Variants in HMMR observed in about 807,000 individuals in gnomAD.
HMMR encodes intracellular hyaluronic acid-binding protein.
HMMR carries 108 observed loss-of-function variants against 101.0 expected under a neutral mutation model. That is an observed-to-expected ratio of 1.07 (90% CI 0.92 to 1.25). The LOEUF is 1.25. Ranked by LOEUF, HMMR falls within the 50% of genes most tolerant of loss-of-function variation. The pLI is 0.00. For synonymous variants in HMMR, 296 were observed against 276.4 expected (o/e 1.07, Z -0.70); for missense variants, 813 against 788.7 (o/e 1.03, Z -0.37).
At chr5:163,479,411 C>T (rs932751046) in intron 12 of HMMR, among the ~76,000 whole-genome samples, 35 of 152,230 alleles carry the variant, frequency 2.3e-4, no homozygotes, top group African/African-American at 7.9e-4. Flanking sequence ...TGGCTCATAC[C>T]AGTAATCCCA....
At chr5:163,476,931 T>C (rs1196701757) in intron 11 of HMMR, among the ~76,000 whole-genome samples, 4 of 152,136 alleles carry the variant, frequency 2.6e-5, no homozygotes, top group Non-Finnish European at 1.5e-5. Flanking sequence ...TTCAGGAGGC[T>C]GAGGCAGGAG....
At chr5:163,490,609 C>T in intron 17 of HMMR, 57 bp downstream of exon 17, 1 of 1,310,802 alleles carries the variant, frequency 7.6e-7, no homozygotes, top group Non-Finnish European at 1.1e-6. Flanking sequence ...GCTTTTATAG[C>T]ATTTAGCAAG....
chr5:163,464,039 A>AT, intron 2 of HMMR, 85 bp downstream of exon 2: 2 of 460,886 alleles, frequency 4.3e-6, no homozygotes, highest in Non-Finnish European at 7.7e-6. Context: ...ATGTTATAGC[A>AT]TTTTTTAAAA....
chr5:163,469,994 CCT>C lies in HMMR; in HGVS notation c.462+166_462+167del, dbSNP rs1645145689. 1.1e-5 allele frequency: 5 copies of C among 475,198 alleles called. No individual in the cohort carries two copies. In the Admixed American group the frequency reaches 2.0e-4, roughly 19 times the overall value. 29.4% of individuals were successfully genotyped at this position (475,198 alleles called of 1,614,324 possible). On this transcript the variant is annotated intron_variant, in intron 5 of 17. Transcript: ENST00000393915. ...ACCAGCCTGACCAACATGGAGAAAC[CCT>C]GTCTCTACTAAAAATACAAAAATTA...
chr5:163,486,686 A>T (rs1159294269), intron 16 of HMMR, among the ~76,000 whole-genome samples: 1 of 152,252 alleles, frequency 6.6e-6, no homozygotes, highest in Non-Finnish European at 1.5e-5. Context: ...AAATGGATGG[A>T]CAGCCTTGCT....
chr5:163,461,802 T>C (rs997007920), intron 1 of HMMR, among the ~76,000 whole-genome samples: 3 of 151,402 alleles, frequency 2.0e-5, no homozygotes, highest in African/African-American at 7.3e-5. Context: ...AAAAAAATGC[T>C]GTATGCTGGG....
At chr5:163,463,699 C>A (rs992731467) in intron 1 of HMMR, among the ~76,000 whole-genome samples, 157 bp from the exon 2 acceptor site, 1 of 152,024 alleles carries the variant, frequency 6.6e-6, no homozygotes, top group Non-Finnish European at 1.5e-5. Context: ...CATAGAGAGG[C>A]CTTCTTTGTA....
rs748033755 is a variant in HMMR at position 163,483,067 on chromosome 5, T to C, written c.1580T>C (p.Ile527Thr). ...AAGTCAGCACTAAAGGAAACAGAAA[T>C]TAAAGAAATCACAGTTTCTTTTCTT... ...QTKSALKETE[I>T]KEITVSFLQK... Residue 527 changes from isoleucine (I) to threonine (T), a missense_variant, in exon 14 of 18, where the codon ATT (isoleucine) becomes ACT (threonine). Physicochemically the swap from Ile to Thr is moderately conservative, Grantham distance 89 (BLOSUM62 -1). Transcript: ENST00000393915. 2 of 1,612,412 alleles carry C rather than the reference T, an allele frequency of 1.2e-6. No homozygotes were observed. Among genetic ancestry groups the C allele is most frequent in the Admixed American group, 3.3e-5 (2 of 59,778 alleles).
At chr5:163,460,789 G>T in intron 1 of HMMR, 51 bp downstream of exon 1, 1 of 1,522,132 alleles carries the variant, frequency 6.6e-7, no homozygotes, top group Middle Eastern at 1.9e-4. Context: ...AACGCCCTTT[G>T]CCTCTTTCAG....
rs148720461 is a variant in HMMR at position 163,491,067 on chromosome 5, G to A, written c.2126-45G>A. On this transcript the variant is annotated intron_variant, in intron 17 of 17. Coordinates refer to ENST00000393915, the MANE Select transcript of HMMR (RefSeq NM_001142556.2). ...TTAGTTTATAATGATGGATAAATTCGTTTTAATCTAGATTACTAATCCTTC... is the reference window on the plus strand; with the variant it reads ...TTAGTTTATAATGATGGATAAATTCATTTTAATCTAGATTACTAATCCTTC... 3.6e-3 allele frequency: 4,179 copies of A among 1,155,214 alleles called. 12 individuals carry two copies. The highest frequency in any genetic ancestry group is 4.6e-3 in the Non-Finnish European group (3,707 of 807,742). 71.6% of individuals were successfully genotyped at this position (1,155,214 alleles called of 1,614,324 possible). A position where few individuals can be genotyped will look rare whatever the true frequency, so the allele number is the denominator to read the frequency against.
chr5:163,481,526 A>T (rs1759264093), intron 12 of HMMR, among the ~76,000 whole-genome samples: 1 of 152,128 alleles, frequency 6.6e-6, no homozygotes, highest in Admixed American at 6.5e-5. Context: ...AGTAGATATC[A>T]CACTGTCTTT....
rs1486094124 is a variant in HMMR, at chr5:163,482,649, G to A, written c.1393G>A (p.Ala465Thr). The A allele has an allele frequency of 6.2e-7, 1 of 1,609,634 alleles. No individual in the cohort carries two copies. The highest frequency in any genetic ancestry group is 8.5e-7 in the Non-Finnish European group (1 of 1,176,422). Residue 465 changes from alanine (A) to threonine (T), a missense_variant, in exon 13 of 18, where the codon GCG becomes ACG. Transcript: ENST00000393915. ...TTTTTTCTTTTTAATAAGCTATAAAGCGTTAACAGCCAGTGAGATAGAAGA... is the reference window on the plus strand; with the variant it reads ...TTTTTTCTTTTTAATAAGCTATAAAACGTTAACAGCCAGTGAGATAGAAGA... ...DVTAQFESYK[A>T]LTASEIEDLK...
chr5:163,473,072 C>G, intron 7 of HMMR, 107 bp from the exon 8 acceptor site: 3 of 612,902 alleles, frequency 4.9e-6, no homozygotes, highest in Non-Finnish European at 8.9e-6. Context: ...AGAGTTAGGG[C>G]TCTGTAGTCA....
At chr5:163,486,952 G>A (rs948509492) in intron 16 of HMMR, among the ~76,000 whole-genome samples, 3 of 152,148 alleles carry the variant, frequency 2.0e-5, no homozygotes, top group South Asian at 2.1e-4. Flanking sequence ...GGCGGCGGGC[G>A]CCTGTAATCC....
chr5:163,484,270 A>G (rs1466771558), intron 16 of HMMR, 25 bp downstream of exon 16: 2 of 1,304,000 alleles, frequency 1.5e-6, no homozygotes, highest in African/African-American at 3.0e-5. Flanking sequence ...TTTTCATTTT[A>G]TTAAAGATAT....
chr5:163,478,898 A>G, intron 12 of HMMR, 98 bp downstream of exon 12: 1 of 675,686 alleles, frequency 1.5e-6, no homozygotes, highest in Non-Finnish European at 2.7e-6. Flanking sequence ...ACAAAGGATG[A>G]TTCATACTAG....
chr5:163,469,944 G>C (rs904736994), intron 5 of HMMR, 115 bp downstream of exon 5: 1 of 631,238 alleles, frequency 1.6e-6, no homozygotes, highest in Non-Finnish European at 2.7e-6. Flanking sequence ...AAGGCAGGCG[G>C]ATCACCTGAG....
chr5:163,471,081 A>G, intron 5 of HMMR, 104 bp from the exon 6 acceptor site: 2 of 704,960 alleles, frequency 2.8e-6, no homozygotes, highest in Non-Finnish European at 4.8e-6. Flanking sequence ...TATTAAAGTC[A>G]AAAACATAAC....
In HMMR at chr5:163,478,757, A is replaced by G; in HGVS notation, c.1342A>G (p.Ser448Gly). 6.2e-7 allele frequency: 1 copy of G among 1,612,670 alleles called. No homozygotes were observed. The highest frequency in any genetic ancestry group is 1.3e-5 in the African/African-American group (1 of 75,048). The change falls in exon 12 of 18, where the codon AGT (serine) becomes GGT (glycine). Residue 448 changes from serine to glycine, a missense_variant. Coordinates refer to ENST00000393915, the MANE Select transcript of HMMR (RefSeq NM_001142556.2). ...ATLLLQEKYD[S>G]MVQSLEDVTA... ...CCTGCTTTTGCAGGAAAAGTATGACAGTATGGTGCAAAGCCTTGAAGATGT... is the reference window on the plus strand; with the variant it reads ...CCTGCTTTTGCAGGAAAAGTATGACGGTATGGTGCAAAGCCTTGAAGATGT...
Sources: allele counts gnomAD v4.1 joint callset (sites outside exome capture counted in the v4.1 genomes callset), GRCh38; gene constraint gnomAD v4.1.1; transcripts MANE v1.5; gene names NCBI Gene and HGNC (gene_info 2026-07-23, HGNC 2026-07-21).